Variants in UGT1A8 observed in about 807,000 individuals in gnomAD.
UGT1A8 encodes the protein UDP-glucuronosyltransferase 1A8.
UGT1A8 carries 39 observed loss-of-function variants against 45.3 expected under a neutral mutation model. The ratio of observed to expected loss-of-function variants is 0.86; its 90% CI spans 0.67 to 1.12. The LOEUF is 1.12. UGT1A8 is among the 50% of genes most tolerant of loss of function. The pLI is 0.00. For synonymous variants in UGT1A8, 275 were observed against 249.2 expected, an observed-to-expected ratio of 1.10 and a Z score of -0.97; for missense variants, 719 against 664.9, an observed-to-expected ratio of 1.08 and a Z score of -0.90.
intron 1 of UGT1A8, among the ~76,000 whole-genome samples, chr2:233,708,083 A>T (rs910036488): frequency 1.3e-5 from 2 of 152,164 alleles, no homozygotes; most frequent in African/African-American, 4.8e-5. Context: ...TTTTACTTTT[A>T]TTCAAACGAA....
chr2:233,769,819 C>A lies in UGT1A8; in HGVS notation c.1295+1380C>A. On this transcript the variant is annotated intron_variant, in intron 4 of 4. Transcript: ENST00000373450. The surrounding 1 kb of genome is among the most constrained non-coding windows in gnomAD (Gnocchi z 4.4). ...GCTATGAGCCGTGATCATGCCACTG[C>A]ACTCCAGCAACCTGGGCAACAGAGT... 2 of 840,292 alleles carry A rather than the reference C, an allele frequency of 2.4e-6. No homozygotes were observed. The highest frequency in any genetic ancestry group is 3.4e-6 in the Non-Finnish European group (2 of 594,478). The allele number at this position is 840,292 out of a possible 1,614,324, so 52.1% of individuals were successfully genotyped here.
In UGT1A8 at chr2:233,637,107, A is replaced by C. The variant is rs776292761; in HGVS notation, c.855+18545A>C. The C allele has an allele frequency of 2.7e-5, 44 of 1,613,816 alleles. No individual in the cohort carries two copies. In the South Asian group the frequency reaches 4.4e-4, roughly 16 times the overall value. On this transcript the variant is annotated intron_variant, in intron 1 of 4. Transcript: ENST00000373450. ...TTTCCTATGTCCCCAATGATCTCTT[A>C]GGGTTCTCAGATGCCATGACTTTCA...
At chr2:233,718,069 G>T in intron 1 of UGT1A8, 1 of 347,944 alleles carries the variant, frequency 2.9e-6, no homozygotes, top group South Asian at 2.3e-5. Flanking sequence ...GTGGGTCCTT[G>T]CTAGGGTTGT....
intron 1 of UGT1A8, among the ~76,000 whole-genome samples, chr2:233,638,488 T>C (rs1456885655): frequency 6.6e-6 from 1 of 152,190 alleles, no homozygotes; most frequent in Non-Finnish European, 1.5e-5. Context: ...TTCTTTTGCT[T>C]TGCTGGAGCA....
At position 233,644,155 on chromosome 2, in the gene UGT1A8, G is replaced by A. The variant is rs371867982; in HGVS notation, c.855+25593G>A. On this transcript the variant is annotated intron_variant, in intron 1 of 4. Transcript: ENST00000373450. ...TAAGAGTTGCAATCTTTATGGACTA[G>A]ACTGCCTTTCAAGTTTACTTGAGGC... is the stretch of plus-strand genomic sequence containing the variant. 4.6e-5 allele frequency among the ~76,000 whole-genome samples: 7 copies of A among 152,270 alleles called. No individual in the cohort carries two copies. The East Asian group carries it at 5.8e-4, about 13-fold the overall frequency.
chr2:233,742,937 T>C (rs1692142343), intron 1 of UGT1A8: 1 of 214,468 alleles, frequency 4.7e-6, no homozygotes, highest in African/African-American at 2.4e-5. Context: ...CATTCTGTCC[T>C]ACCACTAGCA....
At chr2:233,772,210 A>AT in intron 4 of UGT1A8, 52 bp from the exon 5 acceptor site, 1 of 1,610,530 alleles carries the variant, frequency 6.2e-7, no homozygotes, top group Non-Finnish European at 8.5e-7. Context: ...TAAAGAGAGG[A>AT]TTGTTCATAC....
intron 1 of UGT1A8, chr2:233,721,540 A>T (rs10929293): frequency 0.087 from 14,555 of 166,976 alleles, 833 homozygotes; most frequent in East Asian, 0.2. Context: ...CCATAGGTAA[A>T]TTTTTTCTTC....
chr2:233,694,889 T>C (rs2075246653), intron 1 of UGT1A8, among the ~76,000 whole-genome samples: 1 of 152,252 alleles, frequency 6.6e-6, no homozygotes, highest in Non-Finnish European at 1.5e-5. Context: ...GGGGGGTTCA[T>C]GTGATATTTT....
chr2:233,651,562 CAA>C (rs1370616253), intron 1 of UGT1A8, among the ~76,000 whole-genome samples: 1 of 152,104 alleles, frequency 6.6e-6, no homozygotes, highest in African/African-American at 2.4e-5. Flanking sequence ...ATTCAGATAT[CAA>C]AGAGTGCCCT....
chr2:233,697,327 T>C (rs960818625), intron 1 of UGT1A8, among the ~76,000 whole-genome samples: 1 of 152,152 alleles, frequency 6.6e-6, no homozygotes, highest in Non-Finnish European at 1.5e-5. Context: ...TGTTTGGAAA[T>C]GTATCCATTT....
intron 1 of UGT1A8, among the ~76,000 whole-genome samples, chr2:233,727,024 C>T (rs1363887346): frequency 2.6e-5 from 4 of 152,054 alleles, no homozygotes; most frequent in African/African-American, 7.2e-5. Flanking sequence ...TGTTTTTGTA[C>T]CCTAAGGAAT....
chr2:233,619,419 G>T (rs1280022289), intron 1 of UGT1A8, among the ~76,000 whole-genome samples: 1 of 152,170 alleles, frequency 6.6e-6, no homozygotes, highest in Non-Finnish European at 1.5e-5. Flanking sequence ...TTCCTTGTGT[G>T]AATATATTTC....
intron 1 of UGT1A8, among the ~76,000 whole-genome samples, chr2:233,658,518 G>A (rs529829093): frequency 1.3e-5 from 2 of 152,174 alleles, no homozygotes; most frequent in East Asian, 3.9e-4. Context: ...CTCCTGTACC[G>A]TGTGACAGTT....
intron 1 of UGT1A8, chr2:233,729,392 T>A (rs1335672104): frequency 6.2e-7 from 1 of 1,613,876 alleles, no homozygotes; most frequent in Non-Finnish European, 8.5e-7. Flanking sequence ...CAGGATGAAT[T>A]TGATCGCCAT....
intron 1 of UGT1A8, among the ~76,000 whole-genome samples, chr2:233,722,817 G>T (rs1300822952): frequency 6.1e-5 from 9 of 147,334 alleles, no homozygotes; most frequent in African/African-American, 2.0e-4. Flanking sequence ...ATTTTTTCAA[G>T]TTATTTTGTA....
In UGT1A8 at chr2:233,717,706, G is replaced by C. The variant is rs578061394; in HGVS notation, c.856-49328G>C. On this transcript the variant is annotated intron_variant, in intron 1 of 4. Transcript: ENST00000373450. The stretch of plus-strand genomic sequence containing the variant: ...TAGGAGTGACTTTCTGGAGCAGGAC[G>C]AGCCTCATGGGCATGAGACCATTGT... The C allele has an allele frequency of 8.4e-4, 379 of 451,272 alleles. 6 individuals carry two copies. The highest frequency in any genetic ancestry group is 5.8e-3 in the South Asian group (371 of 64,162). 28.0% of individuals were successfully genotyped at this position (451,272 alleles called of 1,614,324 possible). A position where few individuals can be genotyped will look rare whatever the true frequency, so the allele number is the denominator to read the frequency against.
intron 1 of UGT1A8, chr2:233,761,142 A>G: frequency 5.0e-6 from 8 of 1,614,232 alleles, no homozygotes; most frequent in Non-Finnish European, 5.9e-6. Context: ...ACCAAAATCC[A>G]CTATCCCAGG....
intron 1 of UGT1A8, chr2:233,718,132 G>GTGGTCGCCGT: frequency 4.2e-6 from 1 of 238,638 alleles, no homozygotes; most frequent in Non-Finnish European, 8.7e-6. Flanking sequence ...GGTGTAGATG[G>GTGGTCGCCGT]AGAATCCTCA....
Sources: gnomAD v4.1 joint callset for allele counts (sites outside exome capture counted in the v4.1 genomes callset) on GRCh38, gnomAD v4.1.1 for gene constraint, Gnocchi (gnomAD v3.1) non-coding constraint, MANE v1.5 for transcripts, NCBI Gene and HGNC (gene_info 2026-07-23, HGNC 2026-07-21) for gene names.